Variants in EBF1 observed in about 807,000 individuals in gnomAD.
EBF1 encodes the protein EBF transcription factor 1.
A neutral mutation model predicts 68.4 loss-of-function variants in EBF1; 10 were observed. The ratio of observed to expected loss-of-function variants is 0.15; its 90% confidence interval spans 0.09 to 0.25. EBF1 has a LOEUF of 0.25. Ranked by LOEUF, EBF1 falls within the 10% of genes least tolerant of loss-of-function variation. EBF1 has a pLI of 1.00. For missense variants in EBF1, 509 were observed against 794.4 expected, an observed-to-expected ratio of 0.64 and a Z score of 4.32; for synonymous variants, 298 against 299.8, an observed-to-expected ratio of 0.99 and a Z score of 0.06.
intron 6 of EBF1, among the ~76,000 whole-genome samples, chr5:158,876,340 A>G (rs1262431596): frequency 2.0e-5 from 3 of 152,154 alleles, no homozygotes; most frequent in African/African-American, 7.2e-5. Context: ...AGATTCATGT[A>G]TCTCTACCCT....
intron 10 of EBF1, among the ~76,000 whole-genome samples, chr5:158,773,173 T>C (rs1774249003): frequency 1.3e-5 from 2 of 151,562 alleles, no homozygotes; most frequent in South Asian, 4.2e-4. Flanking sequence ...ATAAGAGGGA[T>C]AGGGAGAAAA....
At chr5:158,989,702 A>C (rs1561722916) in intron 6 of EBF1, among the ~76,000 whole-genome samples, 1 of 152,142 alleles carries the variant, frequency 6.6e-6, no homozygotes, top group Non-Finnish European at 1.5e-5. Context: ...CCCCTTTCTC[A>C]AGTCTGTAAG....
intron 6 of EBF1, among the ~76,000 whole-genome samples, chr5:159,049,323 ATACT>A (rs1262175818): frequency 6.6e-6 from 1 of 152,190 alleles, no homozygotes; most frequent in African/African-American, 2.4e-5. Flanking sequence ...ATTTAAGAAA[ATACT>A]TAGTGGATAG....
Position 158,712,978 on chromosome 5 carries a change from G to A in EBF1, c.1361C>T (p.Thr454Ile). Residue 454 changes from threonine (T) to isoleucine (I), a missense_variant, in exon 13 of 16, where the codon ACC becomes ATC. Coordinates refer to ENST00000313708, the MANE Select transcript of EBF1 (RefSeq NM_024007.5). ...AVNVSEASQA[T>I]NQGFTRNSSS... ...AAAAGCAAGCTTCTGACCCTGATTG[G>A]TGGCTTGTGATGCCTCGGAGACATT... The A allele has an allele frequency of 1.3e-6, 2 of 1,487,210 alleles. No individual in the cohort carries two copies. The highest frequency in any genetic ancestry group is 2.9e-5 in the South Asian group (2 of 70,116). 92.1% of individuals were successfully genotyped at this position (1,487,210 alleles called of 1,614,324 possible). A position where few individuals can be genotyped will look rare whatever the true frequency, so the allele number is the denominator to read the frequency against.
At chr5:158,832,860 G>C (rs1718969036) in intron 7 of EBF1, among the ~76,000 whole-genome samples, 1 of 152,144 alleles carries the variant, frequency 6.6e-6, no homozygotes, top group South Asian at 2.1e-4. Context: ...ATTTTAAAAA[G>C]CAAAACACAT....
intron 6 of EBF1, among the ~76,000 whole-genome samples, chr5:159,003,497 A>C (rs1007058138): frequency 6.6e-6 from 1 of 152,076 alleles, no homozygotes; most frequent in Non-Finnish European, 1.5e-5. Context: ...CCACCACTTG[A>C]AGATTTAATC....
At chr5:158,988,010 T>C (rs1759446640) in intron 6 of EBF1, among the ~76,000 whole-genome samples, 1 of 152,206 alleles carries the variant, frequency 6.6e-6, no homozygotes, top group African/African-American at 2.4e-5. Context: ...AGCTCCTCTG[T>C]TTCTGAAGCA....
intron 6 of EBF1, among the ~76,000 whole-genome samples, chr5:159,023,190 T>TAA (rs11291084): frequency 7.0e-6 from 1 of 142,358 alleles, no homozygotes; most frequent in African/African-American, 2.6e-5. Flanking sequence ...ATTTTCTCAC[T>TAA]AAAAAAAAAA....
intron 6 of EBF1, among the ~76,000 whole-genome samples, chr5:158,917,351 T>G (rs1807426423): frequency 6.6e-6 from 1 of 152,190 alleles, no homozygotes; most frequent in Non-Finnish European, 1.5e-5. Flanking sequence ...CTCCTTTCAT[T>G]TGCTTATAAC....
At chr5:158,862,033 T>A (rs1183667992) in intron 6 of EBF1, among the ~76,000 whole-genome samples, 1 of 152,182 alleles carries the variant, frequency 6.6e-6, no homozygotes, top group Non-Finnish European at 1.5e-5. Context: ...ACAGTAGACA[T>A]TCAAATGATC....
chr5:159,062,142 T>G (rs1439959635), intron 6 of EBF1, among the ~76,000 whole-genome samples: 1 of 152,218 alleles, frequency 6.6e-6, no homozygotes. Context: ...TTAACCTGAT[T>G]AGTTCAGCAC....
intron 6 of EBF1, among the ~76,000 whole-genome samples, chr5:158,857,608 G>A (rs927839166): frequency 2.0e-5 from 3 of 152,166 alleles, no homozygotes; most frequent in African/African-American, 4.8e-5. Context: ...AAAAGTAAGT[G>A]TAAGTGCTTT....
chr5:158,777,370 A>C, intron 10 of EBF1, 43 bp downstream of exon 10: 1 of 1,535,412 alleles, frequency 6.5e-7, no homozygotes, highest in Non-Finnish European at 8.8e-7. Flanking sequence ...AGACCCCACA[A>C]GACCACGGCA....
intron 6 of EBF1, among the ~76,000 whole-genome samples, chr5:158,883,102 A>T (rs1799197166): frequency 6.6e-6 from 1 of 151,892 alleles, no homozygotes; most frequent in Admixed American, 6.6e-5. Context: ...CAAAATATGT[A>T]TGTAATGTTA....
chr5:158,875,773 T>C (rs577155070), intron 6 of EBF1, among the ~76,000 whole-genome samples: 1 of 152,382 alleles, frequency 6.6e-6, no homozygotes, highest in East Asian at 1.9e-4. Context: ...TTAGCATTCA[T>C]CATTTTTACC....
chr5:158,745,327 A>G (rs1767316835), intron 10 of EBF1, among the ~76,000 whole-genome samples: 1 of 152,228 alleles, frequency 6.6e-6, no homozygotes, highest in South Asian at 2.1e-4. Flanking sequence ...CACATAAAAA[A>G]TAATGGTGTA....
intron 6 of EBF1, among the ~76,000 whole-genome samples, chr5:158,852,789 C>T (rs778428390): frequency 1.2e-4 from 18 of 152,136 alleles, no homozygotes; most frequent in Non-Finnish European, 1.8e-4. Flanking sequence ...GTATCAGAGA[C>T]GAACAATGAC....
In EBF1 at chr5:158,788,083, C is replaced by T. The variant is rs1296328573; in HGVS notation, c.909+8262G>A. On this transcript the variant is annotated intron_variant, in intron 9 of 15. Transcript: ENST00000313708. ...ATTCAACAAATTTTCACTAATGCCT[C>T]AGAAGTGCAAAGCTCTGTGCTGGGC... is the stretch of plus-strand genomic sequence containing the variant. Among the ~76,000 whole-genome samples the T allele has an allele frequency of 2.6e-5, 4 of 152,090 alleles. No homozygotes were observed. The South Asian group carries it at 6.2e-4, about 24-fold the overall frequency.
chr5:158,950,359 C>T (rs1264285037), intron 6 of EBF1, among the ~76,000 whole-genome samples: 1 of 152,212 alleles, frequency 6.6e-6, no homozygotes, highest in Non-Finnish European at 1.5e-5. Flanking sequence ...ACCTGTTCTT[C>T]ACACTGCCAT....
Sources: gnomAD v4.1 joint callset for allele counts (sites outside exome capture counted in the v4.1 genomes callset) on GRCh38, gnomAD v4.1.1 for gene constraint, MANE v1.5 for transcripts, NCBI Gene and HGNC (gene_info 2026-07-23, HGNC 2026-07-21) for gene names.